GBF1: variants seen among roughly 807,000 people sequenced by gnomAD.
GBF1 encodes the protein Golgi-specific brefeldin A-resistance guanine nucleotide exchange factor 1.
In GBF1, 114 loss-of-function variants were observed where a neutral mutation model predicts 210.5. The observed-to-expected ratio is 0.54, with a 90% CI of 0.47 to 0.63. GBF1 has a LOEUF of 0.63. Ranked by LOEUF, GBF1 falls within the 30% of genes least tolerant of loss-of-function variation. The pLI, the probability that GBF1 is intolerant of heterozygous loss-of-function variation, is 0.00. For synonymous variants in GBF1, 850 were observed against 889.2 expected, an observed-to-expected ratio of 0.96 and a Z score of 0.78; for missense variants, 1,851 against 2,357.7, an observed-to-expected ratio of 0.79 and a Z score of 4.45.
At chr10:102,328,811 G>C (rs937090504) in intron 3 of GBF1, among the ~76,000 whole-genome samples, 1 of 152,012 alleles carries the variant, frequency 6.6e-6, no homozygotes, top group African/African-American at 2.4e-5. Flanking sequence ...TCTTTTTCAG[G>C]GCTGGTAGAG....
intron 18 of GBF1, 54 bp downstream of exon 18, chr10:102,365,653 G>A (rs974075773): frequency 2.0e-6 from 3 of 1,473,108 alleles, no homozygotes; most frequent in Non-Finnish European, 2.8e-6. Context: ...GCTCATGCCT[G>A]TAATCCTGAC....
the GBF1 span, chr10:102,231,991 C>T: frequency 1.2e-6 from 2 of 1,610,768 alleles, no homozygotes. Context: ...TGCAGCCGTG[C>T]TCTGGGAGCT....
intron 3 of GBF1, among the ~76,000 whole-genome samples, chr10:102,303,495 C>T (rs1169774593): frequency 6.6e-6 from 1 of 152,160 alleles, no homozygotes; most frequent in East Asian, 1.9e-4. Context: ...ACACAGCCTC[C>T]CTGAGGTCTT....
upstream of GBF1, among the ~76,000 whole-genome samples, chr10:102,242,928 C>CAAAAAAAAAAAAAAAAAAAAAAAAAAAA (rs58301527): frequency 2.3e-5 from 3 of 132,408 alleles, no homozygotes; most frequent in Admixed American, 7.6e-5. Flanking sequence ...GACTCTGTCT[C>CAAAAAAAAAAAAAAAAAAAAAAAAAAAA]AAAAAAAAAA....
intron 4 of GBF1, among the ~76,000 whole-genome samples, chr10:102,349,683 C>G (rs2058809823): frequency 6.6e-6 from 1 of 152,178 alleles, no homozygotes; most frequent in African/African-American, 2.4e-5. Context: ...GCCCTTTCCC[C>G]CTACTTAGGC....
At chr10:102,278,267 C>T (rs1589458819) in intron 3 of GBF1, among the ~76,000 whole-genome samples, 1 of 150,908 alleles carries the variant, frequency 6.6e-6, no homozygotes, top group African/African-American at 2.4e-5. Context: ...AAACATTAAA[C>T]AAAAACACTT....
intron 3 of GBF1, among the ~76,000 whole-genome samples, chr10:102,317,023 A>C (rs1396483059): frequency 2.0e-5 from 3 of 152,196 alleles, no homozygotes; most frequent in Non-Finnish European, 4.4e-5. Context: ...TGCTCATATT[A>C]AGTTTTGGGA....
At position 102,360,752 on chromosome 10, in the gene GBF1, C is replaced by T. The variant is rs1203616003; in HGVS notation, c.1393-270C>T. 5.8e-4 allele frequency among the ~76,000 whole-genome samples: 88 copies of T among 152,002 alleles called. 1 individual carries two copies. Among genetic ancestry groups the T allele is most frequent in the East Asian group, 3.9e-4 (2 of 5,180 alleles). On this transcript the variant is annotated intron_variant, in intron 12 of 39. Transcript: ENST00000369983. ...CAGCACTTTGGGAGGCCAAGGCGGG[C>T]GGATCACGAGGTCAGGAGATTGAGA...
At chr10:102,276,440 C>T (rs542705515) in intron 3 of GBF1, among the ~76,000 whole-genome samples, 2 of 150,524 alleles carry the variant, frequency 1.3e-5, no homozygotes, top group South Asian at 4.2e-4. Flanking sequence ...GCAGGAGAAT[C>T]GCTTGAACCT....
At chr10:102,280,344 T>A (rs964984876) in intron 3 of GBF1, among the ~76,000 whole-genome samples, 7 of 152,132 alleles carry the variant, frequency 4.6e-5, no homozygotes, top group African/African-American at 1.4e-4. Context: ...CCCCTTTCAG[T>A]AGAATGTTCT....
At chr10:102,249,073 A>G (rs2071184275) in intron 1 of GBF1, among the ~76,000 whole-genome samples, 1 of 152,192 alleles carries the variant, frequency 6.6e-6, no homozygotes. Context: ...TAATTGTTGG[A>G]AACTAGTTAA....
At chr10:102,241,930 C>T (rs2070549120), upstream of GBF1, among the ~76,000 whole-genome samples, 1 of 152,240 alleles carries the variant, frequency 6.6e-6, no homozygotes, top group African/African-American at 2.4e-5. The surrounding 1 kb of genome is among the most constrained non-coding windows in gnomAD (Gnocchi z 6.7). Flanking sequence ...GGTCTCAGCG[C>T]TCAGACTTCT....
intron 33 of GBF1, 146 bp downstream of exon 33, chr10:102,377,286 C>A: frequency 1.7e-6 from 1 of 575,024 alleles, no homozygotes; most frequent in Non-Finnish European, 3.1e-6. Context: ...TTCCCTTACC[C>A]AAAACCTTAC....
Position 102,363,992 on chromosome 10 carries a change from A to G in GBF1, c.2106+194A>G, listed in dbSNP as rs1327771381. 6.6e-6 allele frequency among the ~76,000 whole-genome samples: 1 copy of G among 152,056 alleles called. No homozygotes were observed. Among genetic ancestry groups the G allele is most frequent in the Non-Finnish European group, 1.5e-5 (1 of 68,016 alleles). ...TTACTCCTAAGCTATGTAGTTGAGC[A>G]TACCCTATGTATGCCCCTGCGCAAA... On this transcript the variant is annotated intron_variant, in intron 17 of 39. Coordinates refer to ENST00000369983, the MANE Select transcript of GBF1 (RefSeq NM_001377137.1). The surrounding 1 kb of genome is among the most constrained non-coding windows in gnomAD (Gnocchi z 4.2).
chr10:102,381,276 C>T, intron 39 of GBF1, 21 bp downstream of exon 39: 4 of 1,611,382 alleles, frequency 2.5e-6, no homozygotes, highest in South Asian at 1.1e-5. Flanking sequence ...CTAGCCTAGC[C>T]TGATAGGCAC....
At chr10:102,239,966 G>A in the GBF1 span, among the ~76,000 whole-genome samples, 1 of 152,240 alleles carries the variant, frequency 6.6e-6, no homozygotes, top group East Asian at 1.9e-4. Flanking sequence ...GATTCCATGA[G>A]CCTCCTTCCC....
the GBF1 span, chr10:102,231,956 C>G: frequency 1.2e-6 from 2 of 1,604,040 alleles, no homozygotes; most frequent in Non-Finnish European, 1.7e-6. Flanking sequence ...GAAGGGGGCG[C>G]GCTTACCGCT....
chr10:102,370,876 C>T lies in GBF1; in HGVS notation c.3660+16C>T, dbSNP rs1343699037. The T allele has an allele frequency of 6.8e-6, 11 of 1,612,354 alleles. No individual in the cohort carries two copies. The Admixed American group carries it at 1.8e-4, about 27-fold the overall frequency. On this transcript the variant is annotated intron_variant, in intron 29 of 39. Transcript: ENST00000369983. The stretch of plus-strand genomic sequence containing the variant: ...CAGTGCTCAGGTAAGCAGAATGCAT[C>T]TTGGAGAGTGGGCAGGTATGCAAGG...
intron 3 of GBF1, among the ~76,000 whole-genome samples, chr10:102,319,679 C>CTT (rs2056206501): frequency 6.7e-6 from 1 of 150,090 alleles, no homozygotes; most frequent in Non-Finnish European, 1.5e-5. Context: ...TCTCCTTTTT[C>CTT]TTGTTTATGC....
Sources: allele counts gnomAD v4.1 joint callset (sites outside exome capture counted in the v4.1 genomes callset), GRCh38; gene constraint gnomAD v4.1.1; non-coding constraint Gnocchi (gnomAD v3.1); transcripts MANE v1.5; gene names NCBI Gene and HGNC (gene_info 2026-07-23, HGNC 2026-07-21).